CNTN5: variants seen among roughly 807,000 people sequenced by gnomAD.
CNTN5 encodes the protein contactin-5.
In CNTN5, 77 loss-of-function variants were observed where a neutral mutation model predicts 129.1. The ratio of observed to expected loss-of-function variants is 0.60; its 90% CI spans 0.50 to 0.72. The LOEUF (loss-of-function observed/expected upper bound fraction) is 0.72, where lower values mean the gene tolerates loss of function less well. Among genes scored for constraint, CNTN5 ranks in the 30% least tolerant of loss-of-function variants. The pLI, the probability that CNTN5 is intolerant of heterozygous loss-of-function variation, is 0.00. For missense variants in CNTN5, 1,478 were observed against 1,328.8 expected (o/e 1.11, Z -1.75); for synonymous variants, 509 against 465.6 (o/e 1.09, Z -1.20).
chr11:99,397,656 T>A (rs1941594613), intron 2 of CNTN5, among the ~76,000 whole-genome samples: 1 of 151,746 alleles, frequency 6.6e-6, no homozygotes, highest in African/African-American at 2.4e-5. Context: ...ATAAATTCTG[T>A]GCCCTATTGA....
At chr11:100,280,463 CTTAAAAT>C (rs1479205440) in intron 18 of CNTN5, among the ~76,000 whole-genome samples, 1 of 151,916 alleles carries the variant, frequency 6.6e-6, no homozygotes, top group African/African-American at 2.4e-5. Flanking sequence ...TAGTTTTTGT[CTTAAAAT>C]TTATTTTTTT....
intron 1 of CNTN5, among the ~76,000 whole-genome samples, chr11:99,239,869 G>A (rs34885644): frequency 2.0e-5 from 3 of 151,356 alleles, no homozygotes; most frequent in Non-Finnish European, 4.4e-5. Flanking sequence ...CCCGGGAGGC[G>A]GAGCTTGCAG....
At chr11:99,769,641 A>T (rs1944875372) in intron 3 of CNTN5, among the ~76,000 whole-genome samples, 1 of 152,032 alleles carries the variant, frequency 6.6e-6, no homozygotes, top group Non-Finnish European at 1.5e-5. Context: ...GTTGGAGAGC[A>T]GCCTGGGAAA....
chr11:100,090,654 T>C (rs1374631197), intron 13 of CNTN5, among the ~76,000 whole-genome samples: 1 of 150,824 alleles, frequency 6.6e-6, no homozygotes, highest in East Asian at 2.0e-4. Context: ...TACCAGGAGA[T>C]TCAGTGCCTG....
intron 1 of CNTN5, among the ~76,000 whole-genome samples, chr11:99,238,192 T>C (rs1280146733): frequency 1.3e-5 from 2 of 152,076 alleles, no homozygotes; most frequent in African/African-American, 2.4e-5. Flanking sequence ...GCACATGGGG[T>C]TAATAAAAAG....
chr11:99,930,194 C>T (rs552917210), intron 7 of CNTN5, among the ~76,000 whole-genome samples: 1 of 152,060 alleles, frequency 6.6e-6, no homozygotes, highest in Non-Finnish European at 1.5e-5. Context: ...CAATCTAGCT[C>T]CCCCAGAGGA....
intron 3 of CNTN5, among the ~76,000 whole-genome samples, chr11:99,715,745 C>T (rs1414870238): frequency 2.0e-5 from 3 of 151,840 alleles, no homozygotes; most frequent in East Asian, 3.9e-4. Context: ...TATGTTTATA[C>T]ACAAATTTAC....
At chr11:99,255,930 A>G (rs75569404) in intron 1 of CNTN5, among the ~76,000 whole-genome samples, 5,733 of 152,090 alleles carry the variant, frequency 0.038, 375 homozygotes, top group African/African-American at 0.13. Context: ...CTTTTTAAAG[A>G]TAAGGAATTT....
chr11:99,726,459 TTCTACTAGCAA>T, intron 3 of CNTN5, among the ~76,000 whole-genome samples: 1 of 152,334 alleles, frequency 6.6e-6, no homozygotes, highest in South Asian at 2.1e-4. Flanking sequence ...ACTACATGTT[TTCTACTAGCAA>T]AACGAAATAG....
At chr11:99,504,439 G>T (rs922520436) in intron 2 of CNTN5, among the ~76,000 whole-genome samples, 1 of 150,856 alleles carries the variant, frequency 6.6e-6, no homozygotes, top group African/African-American at 2.4e-5. Context: ...TACTTGGGAG[G>T]CTGAGGTAGG....
At chr11:99,883,613 A>AAACAG (rs1390152371) in intron 6 of CNTN5, among the ~76,000 whole-genome samples, 1 of 152,062 alleles carries the variant, frequency 6.6e-6, no homozygotes, top group East Asian at 1.9e-4. Flanking sequence ...AAACAAAACA[A>AAACAG]AACAGTGAAA....
intron 9 of CNTN5, among the ~76,000 whole-genome samples, chr11:100,040,626 A>C (rs1046292698): frequency 6.6e-6 from 1 of 152,112 alleles, no homozygotes; most frequent in Admixed American, 6.5e-5. Flanking sequence ...ACCCAGTTGG[A>C]GCTTCCTGGC....
At chr11:99,838,704 C>T (rs902704852) in intron 4 of CNTN5, among the ~76,000 whole-genome samples, 1 of 152,160 alleles carries the variant, frequency 6.6e-6, no homozygotes, top group Non-Finnish European at 1.5e-5. Flanking sequence ...TTCTTGCTGC[C>T]TTTTGGCCAA....
At chr11:99,715,409 T>G (rs1416127922) in intron 3 of CNTN5, among the ~76,000 whole-genome samples, 1 of 151,504 alleles carries the variant, frequency 6.6e-6, no homozygotes, top group African/African-American at 2.4e-5. Context: ...ATAGGCAACT[T>G]GAGACCACCA....
intron 1 of CNTN5, among the ~76,000 whole-genome samples, chr11:99,144,321 T>A (rs1285206736): frequency 6.6e-6 from 1 of 152,216 alleles, no homozygotes; most frequent in Non-Finnish European, 1.5e-5. Flanking sequence ...TGGGACTGTT[T>A]TACTAAATAT....
intron 1 of CNTN5, among the ~76,000 whole-genome samples, chr11:99,118,124 T>TA: frequency 6.6e-6 from 1 of 152,244 alleles, no homozygotes; most frequent in East Asian, 1.9e-4. Flanking sequence ...TTGTGGGTCA[T>TA]AGAGTAGATA....
intron 1 of CNTN5, among the ~76,000 whole-genome samples, chr11:99,241,391 C>T (rs17133349): frequency 1.8e-5 from 2 of 112,894 alleles, no homozygotes; most frequent in Non-Finnish European, 3.4e-5. Flanking sequence ...GTGTTCTCTT[C>T]GGAGATGTGA....
chr11:99,134,139 A>C (rs1232641799), intron 1 of CNTN5, among the ~76,000 whole-genome samples: 4 of 152,150 alleles, frequency 2.6e-5, no homozygotes, highest in African/African-American at 9.7e-5. Flanking sequence ...ATCCTCAGCA[A>C]ACTAACTCAG....
At position 99,045,938 on chromosome 11, in the gene CNTN5, G is replaced by A. The variant is rs145525022; in HGVS notation, c.-210+24668G>A. On this transcript the variant is annotated intron_variant, in intron 1 of 24. Transcript: ENST00000524871. Reference sequence around the variant, plus strand: ...GCAGGTGAGAATAAATCAAGCTGCTGTCAGTCAAGTTATTATTCCAGGATA... The same window carrying A: ...GCAGGTGAGAATAAATCAAGCTGCTATCAGTCAAGTTATTATTCCAGGATA... 5.9e-5 allele frequency among the ~76,000 whole-genome samples: 9 copies of A among 152,308 alleles called. No homozygotes were observed. The East Asian group carries it at 1.7e-3, about 29-fold the overall frequency.
Sources: gnomAD v4.1 joint callset for allele counts (sites outside exome capture counted in the v4.1 genomes callset) on GRCh38, gnomAD v4.1.1 for gene constraint, MANE v1.5 for transcripts, NCBI Gene and HGNC (gene_info 2026-07-23, HGNC 2026-07-21) for gene names.